Variants in PLAA observed in about 807,000 individuals in gnomAD.
PLAA encodes phospholipase A-2-activating protein.
A neutral mutation model predicts 84.1 loss-of-function variants in PLAA; 48 were observed. That is an observed-to-expected ratio of 0.57 (90% CI 0.45 to 0.73). The LOEUF (loss-of-function observed/expected upper bound fraction) is 0.73. PLAA is among the 30% of genes least tolerant of loss of function. The pLI is 0.00. For synonymous variants in PLAA, 392 were observed against 336.6 expected (o/e 1.16, Z -1.80); for missense variants, 903 against 954.7 (o/e 0.95, Z 0.71).
chr9:26,927,052 CTATA>C (rs919544273), intron 4 of PLAA, among the ~76,000 whole-genome samples: 2 of 151,588 alleles, frequency 1.3e-5, no homozygotes, highest in African/African-American at 4.8e-5. Context: ...TATATATAGA[CTATA>C]TACTGAAGCA....
At chr9:26,927,328 G>A (rs1232054677) in intron 4 of PLAA, among the ~76,000 whole-genome samples, 3 of 151,792 alleles carry the variant, frequency 2.0e-5, no homozygotes, top group Non-Finnish European at 4.4e-5. Flanking sequence ...TCACCATGTT[G>A]GCCAGGCTGA....
chr9:26,921,552 T>C (rs952846061), intron 7 of PLAA, among the ~76,000 whole-genome samples: 2 of 152,206 alleles, frequency 1.3e-5, no homozygotes, highest in African/African-American at 4.8e-5. Context: ...CACACGTAGG[T>C]AGTTGAAAAA....
At chr9:26,909,652 G>T (rs1278899838) in intron 12 of PLAA, among the ~76,000 whole-genome samples, 2 of 145,772 alleles carry the variant, frequency 1.4e-5, no homozygotes, top group South Asian at 4.3e-4. Flanking sequence ...ATGGAGTCTT[G>T]CTCTGTTGCC....
chr9:26,920,516 C>A, intron 7 of PLAA, 132 bp from the exon 8 acceptor site: 1 of 529,668 alleles, frequency 1.9e-6, no homozygotes, highest in Admixed American at 3.5e-5. Context: ...AAAATTGTAT[C>A]AAATAAAAGA....
In PLAA at chr9:26,904,669, C is replaced by G. The variant is rs1041967084; in HGVS notation, c.*842G>C. 6.6e-6 allele frequency: 1 copy of G among 152,154 alleles called. No individual in the cohort carries two copies. The highest frequency in any genetic ancestry group is 1.5e-5 in the Non-Finnish European group (1 of 68,012). 9.4% of individuals were successfully genotyped at this position (152,154 alleles called of 1,614,324 possible). Reference sequence around the variant, plus strand: ...GCTCAAAAATAGTAATTTCACATGACAGGTTCTAGACTTTCAAATAATACA... The same window carrying G: ...GCTCAAAAATAGTAATTTCACATGAGAGGTTCTAGACTTTCAAATAATACA... On this transcript the variant is annotated 3_prime_UTR_variant, in exon 14 of 14. Coordinates refer to ENST00000397292, the MANE Select transcript of PLAA (RefSeq NM_001031689.3).
chr9:26,910,279 C>T, intron 12 of PLAA, 59 bp downstream of exon 12: 1 of 1,274,660 alleles, frequency 7.8e-7, no homozygotes, highest in South Asian at 1.2e-5. Context: ...AGAGAAACAA[C>T]CTTGATGACA....
At chr9:26,909,347 A>G (rs1381445423) in intron 12 of PLAA, among the ~76,000 whole-genome samples, 1 of 152,220 alleles carries the variant, frequency 6.6e-6, no homozygotes, top group African/African-American at 2.4e-5. Context: ...AAAAAATCTA[A>G]AAGTGTGCAT....
chr9:26,935,811 A>T lies in PLAA; in HGVS notation c.150-605T>A, dbSNP rs1431195309. Among the ~76,000 whole-genome samples the T allele has an allele frequency of 2.6e-5, 4 of 151,484 alleles. 1 individual carries two copies. The highest frequency in any genetic ancestry group is 2.6e-4 in the Admixed American group (4 of 15,176). On this transcript the variant is annotated intron_variant, in intron 1 of 13. Transcript: ENST00000397292. ...TAAGCTAAAACAAATAAACAAAAAA[A>T]CCCCACCTAATACAGAAATATATAA...
intron 1 of PLAA, 104 bp from the exon 2 acceptor site, chr9:26,935,310 A>T (rs1825324809): frequency 1.6e-6 from 1 of 644,774 alleles, no homozygotes; most frequent in African/African-American, 1.9e-5. Context: ...GACAAACTTT[A>T]GAGTATATAC....
intron 9 of PLAA, 141 bp from the exon 10 acceptor site, chr9:26,917,306 A>G (rs1259663672): frequency 4.7e-6 from 3 of 639,684 alleles, no homozygotes; most frequent in Admixed American, 3.0e-5. Flanking sequence ...GACAGAAACT[A>G]TAGTCAGAAG....
intron 10 of PLAA, among the ~76,000 whole-genome samples, chr9:26,915,261 A>C (rs1824514545): frequency 1.3e-5 from 2 of 152,118 alleles, no homozygotes; most frequent in Admixed American, 1.3e-4. Context: ...TCATTTATTT[A>C]ATTAGAATCC....
intron 9 of PLAA, among the ~76,000 whole-genome samples, chr9:26,918,518 T>G (rs538861971): frequency 1.2e-4 from 19 of 152,170 alleles, no homozygotes; most frequent in South Asian, 4.2e-4. Flanking sequence ...GGAGATAATT[T>G]GGGAATGTGG....
chr9:26,929,958 A>C (rs919523600), intron 2 of PLAA, among the ~76,000 whole-genome samples: 1 of 152,138 alleles, frequency 6.6e-6, no homozygotes, highest in Non-Finnish European at 1.5e-5. Flanking sequence ...TGATACTTGC[A>C]TTAGTCACCA....
chr9:26,920,147 T>G (rs1824712206), intron 8 of PLAA, 80 bp downstream of exon 8: 1 of 1,161,828 alleles, frequency 8.6e-7, no homozygotes. Flanking sequence ...AAAGGAAATT[T>G]TATCACTATG....
At chr9:26,937,157 A>C (rs1472492021) in intron 1 of PLAA, among the ~76,000 whole-genome samples, 1 of 152,146 alleles carries the variant, frequency 6.6e-6, no homozygotes, top group African/African-American at 2.4e-5. Flanking sequence ...AAAGAAAAAA[A>C]AAGGCTGATG....
At chr9:26,939,304 C>T (rs12005959) in intron 1 of PLAA, among the ~76,000 whole-genome samples, 10,723 of 151,918 alleles carry the variant, frequency 0.071, 540 homozygotes, top group African/African-American at 0.14. Context: ...AGGAGAATGG[C>T]GTGAACCCAA....
At position 26,905,743 on chromosome 9, in the gene PLAA, A is replaced by G; in HGVS notation, c.2156T>C (p.Ile719Thr). 1 of 1,614,194 alleles carries G rather than the reference A, an allele frequency of 6.2e-7. No individual in the cohort carries two copies. The highest frequency in any genetic ancestry group is 8.5e-7 in the Non-Finnish European group (1 of 1,180,028). ...TGACAAACATTGGGCTTTCCCTTCA[A>G]TGTTATGGTCTTTATGAAAACAAAC... ...YSVCFHKDHN[I>T]EGKAQCLSLI... The change falls in exon 14 of 14, where the codon ATT becomes ACT. Residue 719 changes from isoleucine (I) to threonine (T), a missense_variant. Coordinates refer to ENST00000397292, the MANE Select transcript of PLAA (RefSeq NM_001031689.3).
Position 26,913,088 on chromosome 9 carries a change from G to GT in PLAA, c.1555+790dup, listed in dbSNP as rs144174580. ...AATAAAAAATAAAAACACATGCTAG[G>GT]TTAGTTATTGAGTGGTAGGTTTATG... On this transcript the variant is annotated intron_variant, in intron 11 of 13. Coordinates refer to ENST00000397292, the MANE Select transcript of PLAA (RefSeq NM_001031689.3). 9.3e-3 allele frequency among the ~76,000 whole-genome samples: 1,414 copies of GT among 152,182 alleles called. 12 individuals carry two copies. The highest frequency in any genetic ancestry group is 0.057 in the East Asian group (294 of 5,186).
intron 13 of PLAA, among the ~76,000 whole-genome samples, chr9:26,907,283 G>T (rs976213529): frequency 6.6e-6 from 1 of 152,078 alleles, no homozygotes; most frequent in Non-Finnish European, 1.5e-5. Context: ...GCTCACGCCT[G>T]TAATCCCAGG....
Sources: allele counts gnomAD v4.1 joint callset (sites outside exome capture counted in the v4.1 genomes callset), GRCh38; gene constraint gnomAD v4.1.1; transcripts MANE v1.5; gene names NCBI Gene and HGNC (gene_info 2026-07-23, HGNC 2026-07-21).